OTOP2: variants seen among roughly 807,000 people sequenced by gnomAD.
OTOP2 encodes proton channel OTOP2.
Under a neutral mutation model 47.4 loss-of-function variants are expected in OTOP2, and 41 were observed. The observed-to-expected ratio is 0.87, with a 90% CI of 0.67 to 1.12. OTOP2 has a LOEUF of 1.12. OTOP2 is among the 50% of genes most tolerant of loss of function. The pLI is 0.00. For missense variants in OTOP2, 721 were observed against 752.2 expected (o/e 0.96, Z 0.49); for synonymous variants, 328 against 319.6 (o/e 1.03, Z -0.28).
chr17:74,927,345 G>A (rs2460856), intron 4 of OTOP2, 64 bp downstream of exon 4: 1 of 1,535,042 alleles, frequency 6.5e-7, no homozygotes, highest in Non-Finnish European at 9.0e-7. Flanking sequence ...GAGAGATTCA[G>A]GCTTTCCACC....
At position 74,930,397 on chromosome 17, in the gene OTOP2, C is replaced by T; in HGVS notation, c.762C>T (p.Ala254=). The change falls in exon 6 of 7, where the codon GCC becomes GCT. Residue 254 remains alanine (A), a synonymous_variant. Transcript: ENST00000331427. The surrounding 1 kb of genome is among the most constrained non-coding windows in gnomAD (Gnocchi z 4.0). The part of the protein sequence containing the change: ...YPFNIEYSLF[A]STMLYVMWKN... ...TCAACATCGAGTACAGCCTCTTCGC[C>T]TCCACCATGCTGTATGTCATGTGGA... The T allele has an allele frequency of 6.2e-7, 1 of 1,614,204 alleles. No individual in the cohort carries two copies. The highest frequency in any genetic ancestry group is 8.5e-7 in the Non-Finnish European group (1 of 1,180,032).
chr17:74,925,717 G>A (rs906912285), intron 3 of OTOP2, 25 bp downstream of exon 3: 1 of 1,613,440 alleles, frequency 6.2e-7, no homozygotes, highest in South Asian at 1.1e-5. Context: ...GTCGCTGTGT[G>A]GAAGAAAGGA....
intron 6 of OTOP2, among the ~76,000 whole-genome samples, chr17:74,931,382 C>T (rs2039057551): frequency 6.6e-6 from 1 of 152,158 alleles, no homozygotes; most frequent in South Asian, 2.1e-4. Flanking sequence ...ATCTAAGCAG[C>T]AGATGGAGCT....
Position 74,924,659 on chromosome 17 carries a change from C to G in OTOP2, c.27C>G (p.Pro9=), listed in dbSNP as rs776614076. The change falls in exon 2 of 7, where the codon CCC becomes CCG. Residue 9 remains proline (P), a synonymous_variant. Coordinates refer to ENST00000331427, the MANE Select transcript of OTOP2 (RefSeq NM_178160.3). This position sits in a 1 kb window ranked among gnomAD's most constrained non-coding sequence, Gnocchi z 7.7. MSEELAQG[P]KESPPAPRAG... is the part of the protein sequence containing the mutation. Reference sequence around the variant, plus strand: ...TGTCCGAGGAGCTGGCCCAGGGCCCCAAGGAGAGCCCCCCGGCGCCGCGTG... The same window carrying G: ...TGTCCGAGGAGCTGGCCCAGGGCCCGAAGGAGAGCCCCCCGGCGCCGCGTG... 7 of 1,589,358 alleles carry G rather than the reference C, an allele frequency of 4.4e-6. No individual in the cohort carries two copies. The highest frequency in any genetic ancestry group is 2.2e-5 in the East Asian group (1 of 44,458).
Position 74,924,372 on chromosome 17 carries a change from G to T in OTOP2, c.-34+39G>T. 6.5e-6 allele frequency: 3 copies of T among 462,202 alleles called. No homozygotes were observed. Among genetic ancestry groups the T allele is most frequent in the East Asian group, 7.1e-5 (2 of 28,298 alleles). The allele number at this position is 462,202 out of a possible 1,614,324, so 28.6% of individuals were successfully genotyped here. Reference sequence around the variant, plus strand: ...GCCGGAGGGCAGTCGGACTTGGGGAGTGGGGACCTTGGAGGGGTCCAACCG... The same window carrying T: ...GCCGGAGGGCAGTCGGACTTGGGGATTGGGGACCTTGGAGGGGTCCAACCG... On this transcript the variant is annotated intron_variant, in intron 1 of 6. Coordinates refer to ENST00000331427, the MANE Select transcript of OTOP2 (RefSeq NM_178160.3). The surrounding 1 kb of genome is among the most constrained non-coding windows in gnomAD (Gnocchi z 7.7).
Position 74,927,704 on chromosome 17 carries a change from C to A in OTOP2, c.549C>A (p.Ile183=), listed in dbSNP as rs201431892. The change falls in exon 5 of 7, where the codon ATC becomes ATA. Residue 183 remains isoleucine, a synonymous_variant. Coordinates refer to ENST00000331427, the MANE Select transcript of OTOP2 (RefSeq NM_178160.3). Reference sequence around the variant, plus strand: ...TCACACTCACCACCAACCTGGCCATCTGGATGGCGGCCGTGGTGGATGAAT... The same window carrying A: ...TCACACTCACCACCAACCTGGCCATATGGATGGCGGCCGTGGTGGATGAAT... ...LMFTLTTNLA[I]WMAAVVDESV... 7.5e-5 allele frequency: 121 copies of A among 1,614,082 alleles called. 1 individual carries two copies. Among genetic ancestry groups the A allele is most frequent in the Admixed American group, 5.0e-5 (3 of 60,006 alleles).
rs143197247 is a variant in OTOP2 at position 74,930,925 on chromosome 17, C to G, written c.1290C>G (p.Pro430=). The change falls in exon 6 of 7, where the codon CCC becomes CCG. Residue 430 remains proline, a synonymous_variant. Transcript: ENST00000331427. The surrounding 1 kb of genome is among the most constrained non-coding windows in gnomAD (Gnocchi z 4.0). The part of the protein sequence containing the change: ...FIIESLHRGP[P]GAEPHSTHPK... ...TCGAGAGCCTTCACCGAGGACCGCC[C>G]GGGGCTGAGCCTCACAGTACCCACC... 3 of 1,613,970 alleles carry G rather than the reference C, an allele frequency of 1.9e-6. No homozygotes were observed. Among genetic ancestry groups the G allele is most frequent in the South Asian group, 2.2e-5 (2 of 91,074 alleles).
chr17:74,931,076 G>C lies in OTOP2; in HGVS notation c.1441G>C (p.Val481Leu), dbSNP rs200336109. Residue 481 changes from valine to leucine, a missense_variant, in exon 6 of 7, where the codon GTC becomes CTC. Val to Leu is a conservative substitution (Grantham distance 32, BLOSUM62 1). Transcript: ENST00000331427. ...PSDQREAVAI[V>L]STPRSQWRRQ... ...AGACCAGCGGGAAGCAGTGGCCATCGTCTCAACCCCCAGAAGCCAGTGGAG... is the reference window on the plus strand; with the variant it reads ...AGACCAGCGGGAAGCAGTGGCCATCCTCTCAACCCCCAGAAGCCAGTGGAG... 2 of 1,613,950 alleles carry C rather than the reference G, an allele frequency of 1.2e-6. No individual in the cohort carries two copies. The highest frequency in any genetic ancestry group is 1.3e-5 in the African/African-American group (1 of 74,920).
chr17:74,925,458 A>C (rs996389027), intron 2 of OTOP2, 98 bp from the exon 3 acceptor site: 2 of 1,514,858 alleles, frequency 1.3e-6, no homozygotes, highest in Admixed American at 1.8e-5. Context: ...CCACCCACCC[A>C]TCTAGCCTCC....
Position 74,931,051 on chromosome 17 carries a change from A to T in OTOP2, c.1416A>T (p.Ser472=), listed in dbSNP as rs200528915. Residue 472 remains serine (S), a synonymous_variant, in exon 6 of 7, where the codon TCA becomes TCT. Coordinates refer to ENST00000331427, the MANE Select transcript of OTOP2 (RefSeq NM_178160.3). ...CCGGGCTGGTTAGCCCCAGCCCTTC[A>T]GACCAGCGGGAAGCAGTGGCCATCG... The part of the protein sequence containing the change: ...PNPGLVSPSP[S]DQREAVAIVS... 53 of 1,614,158 alleles carry T rather than the reference A, an allele frequency of 3.3e-5. No homozygotes were observed. In the East Asian group the frequency reaches 6.7e-4, roughly 20 times the overall value.
At position 74,930,510 on chromosome 17, in the gene OTOP2, G is replaced by T. The variant is rs200882161; in HGVS notation, c.875G>T (p.Gly292Val). ...CTCTTCCGGGAGACCTTTTTTGCTG[G>T]CCCGGTTCTGGGCCTGCTGCTCTTC... Reference protein sequence around the residue: ...VSLFRETFFAGPVLGLLLFVV... With the variant: ...VSLFRETFFAVPVLGLLLFVV... The change falls in exon 6 of 7, where the codon GGC (glycine) becomes GTC (valine). Residue 292 changes from glycine (G) to valine (V), a missense_variant. By Grantham distance (109) the Gly-to-Val change is moderately radical. Transcript: ENST00000331427. The surrounding 1 kb of genome is among the most constrained non-coding windows in gnomAD (Gnocchi z 4.0). 1 of 1,612,746 alleles carries T rather than the reference G, an allele frequency of 6.2e-7. No individual in the cohort carries two copies. The highest frequency in any genetic ancestry group is 2.2e-5 in the East Asian group (1 of 44,826).
intron 4 of OTOP2, 157 bp from the exon 5 acceptor site, chr17:74,927,508 G>T: frequency 8.7e-7 from 1 of 1,155,870 alleles, no homozygotes. Context: ...CCTCTCTTTG[G>T]TGGCATACCA....
chr17:74,933,585 C>A lies in OTOP2; in HGVS notation c.*40C>A. ...GCATGGGGGGCAGGAAGAGGGGGCT[C>A]AGCTCATGTGCCCACTCAGACACCC... On this transcript the variant is annotated 3_prime_UTR_variant, in exon 7 of 7. Coordinates refer to ENST00000331427, the MANE Select transcript of OTOP2 (RefSeq NM_178160.3). The surrounding 1 kb of genome is among the most constrained non-coding windows in gnomAD (Gnocchi z 4.7). 1 of 1,547,662 alleles carries A rather than the reference C, an allele frequency of 6.5e-7. No individual in the cohort carries two copies. The highest frequency in any genetic ancestry group is 8.8e-7 in the Non-Finnish European group (1 of 1,136,122).
chr17:74,927,954 T>C (rs1312623962), intron 5 of OTOP2, 156 bp downstream of exon 5: 2 of 990,320 alleles, frequency 2.0e-6, no homozygotes, highest in African/African-American at 3.3e-5. Context: ...CTCTGCAGTA[T>C]AGGTGTAGGT....
In OTOP2 at chr17:74,930,868, C is replaced by A. The variant is rs757855495; in HGVS notation, c.1233C>A (p.Ile411=). The A allele has an allele frequency of 2.5e-6, 4 of 1,614,104 alleles. No individual in the cohort carries two copies. In the Admixed American group the frequency reaches 5.0e-5, roughly 20 times the overall value. Reference sequence around the variant, plus strand: ...ACCTCACCCATGCACTGCTCATGATCGCCCAGCACACCTTCCAGAACATGT... The same window carrying A: ...ACCTCACCCATGCACTGCTCATGATAGCCCAGCACACCTTCCAGAACATGT... ...GLNLTHALLM[I]AQHTFQNMFI... Residue 411 remains isoleucine (I), a synonymous_variant, in exon 6 of 7, where the codon ATC becomes ATA. Coordinates refer to ENST00000331427, the MANE Select transcript of OTOP2 (RefSeq NM_178160.3). The surrounding 1 kb of genome is among the most constrained non-coding windows in gnomAD (Gnocchi z 4.0).
chr17:74,927,301 G>T lies in OTOP2; in HGVS notation c.509+20G>T. 2.5e-6 allele frequency: 4 copies of T among 1,606,506 alleles called. No individual in the cohort carries two copies. In the South Asian group the frequency reaches 3.3e-5, roughly 13 times the overall value. On this transcript the variant is annotated intron_variant, in intron 4 of 6. Coordinates refer to ENST00000331427, the MANE Select transcript of OTOP2 (RefSeq NM_178160.3). ...GACCTGGTGAGAACTGCAGCTCGAT[G>T]CCTGTACCCAGCGTGCTGGTGTTCA...
chr17:74,932,243 AT>A (rs1257981475), intron 6 of OTOP2, among the ~76,000 whole-genome samples: 1 of 152,196 alleles, frequency 6.6e-6, no homozygotes, highest in African/African-American at 2.4e-5. Flanking sequence ...CAATAGAAAA[AT>A]ATCCCTAATA....
rs1218496185 is a variant in OTOP2, at chr17:74,930,519, T to G, written c.884T>G (p.Leu295Arg). Residue 295 changes from leucine (L) to arginine (R), a missense_variant, in exon 6 of 7, where the codon CTG becomes CGG. Coordinates refer to ENST00000331427, the MANE Select transcript of OTOP2 (RefSeq NM_178160.3). This position sits in a 1 kb window ranked among gnomAD's most constrained non-coding sequence, Gnocchi z 4.0. ...FRETFFAGPVLGLLLFVVGLA... is the reference protein window; with the variant it reads ...FRETFFAGPVRGLLLFVVGLA... ...GAGACCTTTTTTGCTGGCCCGGTTC[T>G]GGGCCTGCTGCTCTTCGTGGTGGGG... 2 of 1,613,078 alleles carry G rather than the reference T, an allele frequency of 1.2e-6. No homozygotes were observed. The highest frequency in any genetic ancestry group is 3.3e-5 in the Admixed American group (2 of 60,014).
At chr17:74,929,460 C>T (rs554382510) in intron 5 of OTOP2, among the ~76,000 whole-genome samples, 16 of 152,252 alleles carry the variant, frequency 1.1e-4, no homozygotes, top group Middle Eastern at 3.4e-3. Context: ...GAGTCTTGCT[C>T]TGTCACCCAG....
Sources: gnomAD v4.1 joint callset for allele counts (sites outside exome capture counted in the v4.1 genomes callset) on GRCh38, gnomAD v4.1.1 for gene constraint, Gnocchi (gnomAD v3.1) non-coding constraint, MANE v1.5 for transcripts, NCBI Gene and HGNC (gene_info 2026-07-23, HGNC 2026-07-21) for gene names.